HCN1: variants seen among roughly 807,000 people sequenced by gnomAD.
The protein encoded by HCN1 is potassium/sodium hyperpolarization-activated cyclic nucleotide-gated channel 1.
A neutral mutation model predicts 78.9 loss-of-function variants in HCN1; 13 were observed. The observed-to-expected ratio is 0.16, with a 90% CI of 0.11 to 0.26. The LOEUF is 0.26. Ranked by LOEUF, HCN1 falls within the 10% of genes least tolerant of loss-of-function variation. The probability of loss-of-function intolerance (pLI) is 1.00; values close to 1 mark genes in which losing one functional copy is unlikely to be tolerated. For missense variants in HCN1, 810 were observed against 1,154.3 expected, an observed-to-expected ratio of 0.70 and a Z score of 4.32; for synonymous variants, 552 against 455.5, an observed-to-expected ratio of 1.21 and a Z score of -2.70.
chr5:45,569,781 T>C (rs1434302197), intron 2 of HCN1, among the ~76,000 whole-genome samples: 2 of 152,036 alleles, frequency 1.3e-5, no homozygotes, highest in East Asian at 1.9e-4. Context: ...TTTTAATTAA[T>C]CTATATTTTT....
chr5:45,534,272 C>T (rs1742918809), intron 2 of HCN1, among the ~76,000 whole-genome samples: 1 of 151,252 alleles, frequency 6.6e-6, no homozygotes, highest in Non-Finnish European at 1.5e-5. Flanking sequence ...TGGCAGGCGC[C>T]TATAGTCCCA....
intron 2 of HCN1, among the ~76,000 whole-genome samples, chr5:45,632,128 A>C (rs2112012654): frequency 6.6e-6 from 1 of 152,174 alleles, no homozygotes; most frequent in Non-Finnish European, 1.5e-5. Flanking sequence ...GCAATTAATA[A>C]AAACATAAAA....
At chr5:45,605,746 A>G (rs971550921) in intron 2 of HCN1, among the ~76,000 whole-genome samples, 2 of 151,988 alleles carry the variant, frequency 1.3e-5, no homozygotes, top group Admixed American at 1.3e-4. Flanking sequence ...TTTTTCTCTT[A>G]GCATAATTAT....
At chr5:45,319,218 T>A (rs1213258239) in intron 5 of HCN1, among the ~76,000 whole-genome samples, 1 of 151,932 alleles carries the variant, frequency 6.6e-6, no homozygotes, top group Non-Finnish European at 1.5e-5. Flanking sequence ...ACACCATATA[T>A]TGGAATTTCT....
At position 45,378,776 on chromosome 5, in the gene HCN1, C is replaced by CTT. The variant is rs1488543827; in HGVS notation, c.1230+17715_1230+17716insAA. Among the ~76,000 whole-genome samples the CTT allele has an allele frequency of 1.7e-4, 26 of 152,206 alleles. 1 individual carries two copies. The highest frequency in any genetic ancestry group is 6.3e-4 in the African/African-American group (26 of 41,548). On this transcript the variant is annotated intron_variant, in intron 4 of 7. Transcript: ENST00000303230. Reference sequence around the variant, plus strand: ...TCCTAATGCTATCCCTCCCCCAGCCCCTCACCCCACAACAGGCCATGGTGT... The same window carrying CTT: ...TCCTAATGCTATCCCTCCCCCAGCCCTTCTCACCCCACAACAGGCCATGGTGT...
At chr5:45,666,236 G>C (rs2112068545) in intron 1 of HCN1, among the ~76,000 whole-genome samples, 1 of 152,154 alleles carries the variant, frequency 6.6e-6, no homozygotes, top group Non-Finnish European at 1.5e-5. Flanking sequence ...TAAAAAAGTA[G>C]TTTAGGAGGA....
intron 5 of HCN1, among the ~76,000 whole-genome samples, chr5:45,311,145 T>A (rs767631384): frequency 2.0e-5 from 3 of 152,178 alleles, no homozygotes; most frequent in Non-Finnish European, 4.4e-5. Flanking sequence ...GTGCACATCC[T>A]GCACATGCAC....
chr5:45,658,862 C>G (rs944278758), intron 1 of HCN1, among the ~76,000 whole-genome samples: 1 of 150,274 alleles, frequency 6.7e-6, no homozygotes, highest in African/African-American at 2.4e-5. Context: ...TGCAAGGCGG[C>G]AACGAGGCTG....
chr5:45,295,392 A>G (rs55745093), intron 6 of HCN1, among the ~76,000 whole-genome samples: 1 of 151,980 alleles, frequency 6.6e-6, no homozygotes, highest in Non-Finnish European at 1.5e-5. Context: ...CTCTATCCCC[A>G]GGCCTTATGA....
chr5:45,583,177 C>G (rs1046170767), intron 2 of HCN1, among the ~76,000 whole-genome samples: 1 of 152,050 alleles, frequency 6.6e-6, no homozygotes, highest in Non-Finnish European at 1.5e-5. Context: ...GGTTGGTAAG[C>G]TATTAATTAT....
intron 1 of HCN1, among the ~76,000 whole-genome samples, chr5:45,670,132 A>T (rs1260963018): frequency 6.6e-6 from 1 of 151,682 alleles, no homozygotes; most frequent in Non-Finnish European, 1.5e-5. Context: ...ATTCACCAAA[A>T]TGGAGAAATT....
At chr5:45,599,749 T>A (rs1460611398) in intron 2 of HCN1, among the ~76,000 whole-genome samples, 1 of 152,138 alleles carries the variant, frequency 6.6e-6, no homozygotes, top group African/African-American at 2.4e-5. Flanking sequence ...ATGTTTGCCA[T>A]GGATAAGTGG....
At chr5:45,448,923 G>C (rs1047616023) in intron 3 of HCN1, among the ~76,000 whole-genome samples, 1 of 152,116 alleles carries the variant, frequency 6.6e-6, no homozygotes, top group African/African-American at 2.4e-5. Flanking sequence ...AGACCAGCCT[G>C]GCCAACATGG....
Position 45,262,678 on chromosome 5 carries a change from A to G in HCN1, c.1916T>C (p.Ile639Thr), listed in dbSNP as rs982964789. 5.0e-6 allele frequency: 8 copies of G among 1,613,932 alleles called. No homozygotes were observed. The highest frequency in any genetic ancestry group is 6.8e-6 in the Non-Finnish European group (8 of 1,180,014). ...DREMVQAIAP[I>T]NYPQMTTLNS... ...CAGGGTTGTCATTTGAGGATAATTGATGGGAGCGATTGCCTGCACCATCTC... is the reference window on the plus strand; with the variant it reads ...CAGGGTTGTCATTTGAGGATAATTGGTGGGAGCGATTGCCTGCACCATCTC... Residue 639 changes from isoleucine to threonine, a missense_variant, in exon 8 of 8, where the codon ATC (isoleucine) becomes ACC (threonine). Coordinates refer to ENST00000303230, the MANE Select transcript of HCN1 (RefSeq NM_021072.4).
intron 3 of HCN1, among the ~76,000 whole-genome samples, chr5:45,458,428 A>G (rs1323368231): frequency 1.3e-5 from 2 of 152,134 alleles, no homozygotes; most frequent in Admixed American, 1.3e-4. Context: ...AGACGAGTGC[A>G]TTCCTGCATA....
intron 5 of HCN1, among the ~76,000 whole-genome samples, chr5:45,332,528 C>A (rs754001421): frequency 3.2e-4 from 48 of 151,136 alleles, no homozygotes; most frequent in Non-Finnish European, 7.0e-4. Context: ...CTCTCTATCT[C>A]CATGAGTTCA....
At chr5:45,678,403 C>G (rs1739636068) in intron 1 of HCN1, among the ~76,000 whole-genome samples, 1 of 151,914 alleles carries the variant, frequency 6.6e-6, no homozygotes, top group Non-Finnish European at 1.5e-5. Flanking sequence ...CAATTGTAAT[C>G]CATTATTATT....
intron 3 of HCN1, among the ~76,000 whole-genome samples, chr5:45,425,778 A>G (rs1740333661): frequency 6.6e-6 from 1 of 152,188 alleles, no homozygotes. Flanking sequence ...TGATTAAGAG[A>G]TTTTACCGAC....
intron 1 of HCN1, among the ~76,000 whole-genome samples, chr5:45,659,136 G>A (rs1374797099): frequency 6.6e-6 from 1 of 151,424 alleles, no homozygotes. Context: ...CCTCAAGTGG[G>A]TCCCTGACCC....
Sources: gnomAD v4.1 joint callset for allele counts (sites outside exome capture counted in the v4.1 genomes callset) on GRCh38, gnomAD v4.1.1 for gene constraint, MANE v1.5 for transcripts, NCBI Gene and HGNC (gene_info 2026-07-23, HGNC 2026-07-21) for gene names.